NFYC: variants seen among roughly 807,000 people sequenced by gnomAD.
NFYC encodes nuclear transcription factor Y subunit gamma, also known as CAAT box DNA-binding protein subunit C.
A neutral mutation model predicts 53.1 loss-of-function variants in NFYC; 25 were observed. That is an observed-to-expected ratio of 0.47 (90% CI 0.34 to 0.66). The LOEUF is 0.66. Ranked by LOEUF, NFYC falls within the 30% of genes least tolerant of loss-of-function variation. The pLI, the probability that NFYC is intolerant of heterozygous loss-of-function variation, is 0.01. For synonymous variants in NFYC, 145 were observed against 152.6 expected (o/e 0.95, Z 0.37); for missense variants, 260 against 422.7 (o/e 0.62, Z 3.38).
At chr1:40,720,464 T>C (rs1037462823) in intron 1 of NFYC, among the ~76,000 whole-genome samples, 5 of 152,170 alleles carry the variant, frequency 3.3e-5, no homozygotes, top group Admixed American at 3.3e-4. Context: ...GCTCTTCCAT[T>C]GGATTACTGC....
intron 6 of NFYC, among the ~76,000 whole-genome samples, chr1:40,758,827 T>C (rs1345483819): frequency 6.6e-6 from 1 of 152,188 alleles, no homozygotes; most frequent in Non-Finnish European, 1.5e-5. Flanking sequence ...TTCATGTTTG[T>C]TGGGGGTCAT....
In NFYC at chr1:40,770,549, C is replaced by G; in HGVS notation, c.889-160C>G. The G allele has an allele frequency of 1.3e-6, 2 of 1,581,552 alleles. No individual in the cohort carries two copies. Among genetic ancestry groups the G allele is most frequent in the Non-Finnish European group, 1.7e-6 (2 of 1,163,784 alleles). ...GGGCTGGTGCCTCCTGTGTCTGCTGCTCCCAACCCCAGCAGAGCTCCACTT... is the reference window on the plus strand; with the variant it reads ...GGGCTGGTGCCTCCTGTGTCTGCTGGTCCCAACCCCAGCAGAGCTCCACTT... On this transcript the variant is annotated intron_variant, in intron 9 of 9. Transcript: ENST00000447388. The surrounding 1 kb of genome is among the most constrained non-coding windows in gnomAD (Gnocchi z 5.3).
intron 1 of NFYC, among the ~76,000 whole-genome samples, chr1:40,715,965 G>T (rs1198531162): frequency 2.0e-5 from 3 of 152,146 alleles, no homozygotes; most frequent in Admixed American, 2.0e-4. Flanking sequence ...TACCGTTTTG[G>T]TCTGTTTCCA....
At chr1:40,763,262 A>G (rs573383874) in intron 7 of NFYC, 1 of 468,692 alleles carries the variant, frequency 2.1e-6, no homozygotes, top group African/African-American at 2.0e-5. Flanking sequence ...ATCTATAGCT[A>G]TATATATACC....
intron 1 of NFYC, among the ~76,000 whole-genome samples, chr1:40,716,840 C>A (rs1056444229): frequency 3.3e-5 from 5 of 151,946 alleles, no homozygotes; most frequent in Non-Finnish European, 7.4e-5. Flanking sequence ...GACACTGTTA[C>A]TATAGAATTT....
intron 1 of NFYC, chr1:40,735,171 C>T (rs1644962223): frequency 2.9e-5 from 1 of 34,100 alleles, no homozygotes; most frequent in South Asian, 6.5e-4. Context: ...GCCTGAGTGT[C>T]TCCTTATGTC....
chr1:40,732,697 C>T (rs1644825933), intron 1 of NFYC, among the ~76,000 whole-genome samples: 1 of 152,162 alleles, frequency 6.6e-6, no homozygotes, highest in East Asian at 1.9e-4. Flanking sequence ...CTATCCTGGT[C>T]ACTTTTCTGA....
At chr1:40,768,630 T>C (rs1260088568) in intron 8 of NFYC, 1 of 152,264 alleles carries the variant, frequency 6.6e-6, no homozygotes, top group Non-Finnish European at 1.5e-5. Flanking sequence ...ACCGAGCTGC[T>C]CCCAGCAGTT....
At position 40,738,945 on chromosome 1, in the gene NFYC, A is replaced by C; in HGVS notation, c.102A>C (p.Thr34=). 6.2e-7 allele frequency: 1 copy of C among 1,607,088 alleles called. No homozygotes were observed. ...PRVMEEIRNL[T]VKDFRVQELP... ...TCATGGAAGAAATCCGGAATTTAAC[A>C]GTGGTGAGGAAGAATGAGAAACTTT... is the stretch of plus-strand genomic sequence containing the variant. Residue 34 remains threonine, a synonymous_variant, in exon 2 of 10, where the codon ACA becomes ACC. Transcript: ENST00000447388.
intron 1 of NFYC, among the ~76,000 whole-genome samples, chr1:40,723,964 A>G (rs573274456): frequency 1.3e-5 from 2 of 152,252 alleles, no homozygotes; most frequent in South Asian, 4.1e-4. Context: ...GGCATGAGCT[A>G]CCATGCCTGG....
chr1:40,730,726 G>A (rs1644731923), intron 1 of NFYC: 2 of 222,672 alleles, frequency 9.0e-6, no homozygotes, highest in Non-Finnish European at 1.5e-5. Context: ...GAACATTAAA[G>A]GGGAATGATA....
intron 1 of NFYC, among the ~76,000 whole-genome samples, chr1:40,722,771 C>G (rs1408719534): frequency 6.6e-6 from 1 of 152,194 alleles, no homozygotes; most frequent in Non-Finnish European, 1.5e-5. Flanking sequence ...CTAAGAACCC[C>G]CAGGTCCAAT....
intron 1 of NFYC, among the ~76,000 whole-genome samples, chr1:40,736,820 C>CG (rs548074316): frequency 1.6e-5 from 1 of 63,670 alleles, no homozygotes; most frequent in Non-Finnish European, 2.9e-5. Flanking sequence ...AAACTTATTC[C>CG]AAAAAAAAAA....
intron 1 of NFYC, among the ~76,000 whole-genome samples, chr1:40,731,729 C>T (rs894678913): frequency 1.3e-5 from 2 of 151,994 alleles, no homozygotes; most frequent in Admixed American, 1.3e-4. Flanking sequence ...CGTGATCTGC[C>T]CACCTCGGCC....
At chr1:40,750,371 T>C (rs1433577284) in intron 4 of NFYC, among the ~76,000 whole-genome samples, 1 of 152,214 alleles carries the variant, frequency 6.6e-6, no homozygotes, top group Non-Finnish European at 1.5e-5. Flanking sequence ...TCTTCTTGTT[T>C]CCCTTTACCT....
At chr1:40,700,352 A>AT (rs1643372780) in intron 1 of NFYC, among the ~76,000 whole-genome samples, 1 of 151,968 alleles carries the variant, frequency 6.6e-6, no homozygotes, top group African/African-American at 2.4e-5. Flanking sequence ...ACTTTAATTA[A>AT]TTTTTTTGAG....
chr1:40,709,134 C>T (rs544620741), intron 1 of NFYC, among the ~76,000 whole-genome samples: 2 of 152,234 alleles, frequency 1.3e-5, no homozygotes, highest in East Asian at 3.9e-4. Flanking sequence ...CTTAGAGTTC[C>T]CCATAGTTTG....
chr1:40,694,705 C>T (rs1425114488), intron 1 of NFYC, among the ~76,000 whole-genome samples: 1 of 151,916 alleles, frequency 6.6e-6, no homozygotes, highest in Non-Finnish European at 1.5e-5. Context: ...TTGGTGACCA[C>T]CTTCATTCCA....
At chr1:40,764,640 C>G (rs1285659335) in intron 7 of NFYC, among the ~76,000 whole-genome samples, 1 of 152,236 alleles carries the variant, frequency 6.6e-6, no homozygotes. Context: ...TTCACTGGCT[C>G]AGGCACCTTC....
Sources: allele counts gnomAD v4.1 joint callset (sites outside exome capture counted in the v4.1 genomes callset), GRCh38; gene constraint gnomAD v4.1.1; non-coding constraint Gnocchi (gnomAD v3.1); transcripts MANE v1.5; gene names NCBI Gene and HGNC (gene_info 2026-07-23, HGNC 2026-07-21).